Variants in MYRIP observed in about 807,000 individuals in gnomAD.
MYRIP encodes myosin VIIA and Rab interacting protein.
Under a neutral mutation model 98.0 loss-of-function variants are expected in MYRIP, and 49 were observed. That is an observed-to-expected ratio of 0.50 (90% CI 0.40 to 0.63). The LOEUF (loss-of-function observed/expected upper bound fraction) is 0.63. Among genes scored for constraint, MYRIP ranks in the 30% least tolerant of loss-of-function variants. The probability of loss-of-function intolerance (pLI) is 0.00; values close to 1 mark genes in which losing one functional copy is unlikely to be tolerated. For missense variants in MYRIP, 1,004 were observed against 1,058.2 expected (o/e 0.95, Z 0.71); for synonymous variants, 404 against 409.5 (o/e 0.99, Z 0.16).
chr3:40,202,906 C>CTTATTTAT lies in MYRIP; in HGVS notation c.1666-6913_1666-6906dup, dbSNP rs35758632. 3.2e-3 allele frequency among the ~76,000 whole-genome samples: 456 copies of CTTATTTAT among 142,506 alleles called. 1 individual carries two copies. The highest frequency in any genetic ancestry group is 9.4e-3 in the East Asian group (45 of 4,784). The allele number at this position is 142,506 out of a possible 152,430, so 93.5% of individuals were successfully genotyped here. ...ATCCCCATCACCTCACCTCCATTTA[C>CTTATTTAT]TTATTTATTTATTTATTTATTTATT... is the stretch of plus-strand genomic sequence containing the variant. On this transcript the variant is annotated intron_variant, in intron 10 of 16. Coordinates refer to ENST00000302541, the MANE Select transcript of MYRIP (RefSeq NM_015460.4).
At chr3:40,102,878 T>C (rs1236541319) in intron 3 of MYRIP, among the ~76,000 whole-genome samples, 1 of 151,996 alleles carries the variant, frequency 6.6e-6, no homozygotes, top group Non-Finnish European at 1.5e-5. Context: ...AACAAAACTG[T>C]ACAGAAAAGC....
chr3:40,003,663 T>G (rs370966317), intron 2 of MYRIP, among the ~76,000 whole-genome samples: 3 of 152,338 alleles, frequency 2.0e-5, no homozygotes, highest in African/African-American at 7.2e-5. Flanking sequence ...GCTAGCTGTA[T>G]ATATATTCTT....
chr3:40,122,245 A>C (rs1949419549), intron 3 of MYRIP, among the ~76,000 whole-genome samples: 1 of 151,682 alleles, frequency 6.6e-6, no homozygotes, highest in South Asian at 2.1e-4. Context: ...AATGAAAAAG[A>C]AATTGGACAT....
At chr3:39,942,442 A>T (rs1256240574) in intron 2 of MYRIP, among the ~76,000 whole-genome samples, 2 of 152,138 alleles carry the variant, frequency 1.3e-5, no homozygotes, top group African/African-American at 4.8e-5. Context: ...TAGAAATAGG[A>T]ATTAGCAAAT....
intron 2 of MYRIP, among the ~76,000 whole-genome samples, chr3:40,032,217 T>C (rs1342414669): frequency 6.6e-6 from 1 of 152,176 alleles, no homozygotes; most frequent in East Asian, 1.9e-4. Flanking sequence ...TCAAAGAGCA[T>C]CTTTATTTCT....
At chr3:39,880,709 A>G (rs1048502956) in intron 1 of MYRIP, among the ~76,000 whole-genome samples, 7 of 152,342 alleles carry the variant, frequency 4.6e-5, no homozygotes, top group Admixed American at 2.6e-4. Flanking sequence ...GGATCAATAC[A>G]CATAAATATT....
intron 1 of MYRIP, among the ~76,000 whole-genome samples, chr3:39,864,365 T>C (rs990325806): frequency 6.6e-6 from 1 of 152,178 alleles, no homozygotes; most frequent in Non-Finnish European, 1.5e-5. Context: ...CTACCCCTGT[T>C]TGCAGACAAT....
intron 8 of MYRIP, among the ~76,000 whole-genome samples, chr3:40,170,624 G>A (rs1418527133): frequency 6.6e-6 from 1 of 152,202 alleles, no homozygotes; most frequent in Non-Finnish European, 1.5e-5. Flanking sequence ...TGCTGTTCCT[G>A]TCTGCAGTAG....
intron 2 of MYRIP, among the ~76,000 whole-genome samples, chr3:39,931,800 G>A (rs1054580539): frequency 5.3e-5 from 8 of 152,188 alleles, no homozygotes; most frequent in African/African-American, 1.2e-4. Context: ...TTAATATAGC[G>A]TACAATTCAG....
intron 1 of MYRIP, among the ~76,000 whole-genome samples, chr3:39,820,632 C>T (rs143352382): frequency 1.5e-3 from 235 of 152,210 alleles, no homozygotes; most frequent in Non-Finnish European, 2.7e-3. Context: ...TAGAATGATA[C>T]GTAAATAGTA....
At chr3:39,890,442 A>G (rs1160862895) in intron 1 of MYRIP, among the ~76,000 whole-genome samples, 1 of 151,928 alleles carries the variant, frequency 6.6e-6, no homozygotes, top group Non-Finnish European at 1.5e-5. Flanking sequence ...CACTCTTTCC[A>G]GTGTTCCAGT....
chr3:39,979,668 A>C (rs1253784756), intron 2 of MYRIP, among the ~76,000 whole-genome samples: 4 of 149,760 alleles, frequency 2.7e-5, no homozygotes, highest in Non-Finnish European at 6.0e-5. Flanking sequence ...AAAAAAAAAA[A>C]CAAAAAAAAA....
chr3:39,823,569 C>T (rs905306277), intron 1 of MYRIP, among the ~76,000 whole-genome samples: 5 of 152,152 alleles, frequency 3.3e-5, no homozygotes, highest in African/African-American at 1.2e-4. Context: ...GATGAAGACT[C>T]ATAGTGGTTT....
intron 3 of MYRIP, among the ~76,000 whole-genome samples, chr3:40,138,141 G>A (rs553373648): frequency 1.3e-5 from 2 of 152,246 alleles, no homozygotes; most frequent in African/African-American, 4.8e-5. Flanking sequence ...GCCAAGAAAT[G>A]ATGCTGTTGC....
chr3:39,960,790 A>C (rs1341380989), intron 2 of MYRIP, among the ~76,000 whole-genome samples: 3 of 152,164 alleles, frequency 2.0e-5, no homozygotes, highest in Non-Finnish European at 4.4e-5. Context: ...GTTTCCTTAA[A>C]TGTGAGCTTA....
chr3:40,224,682 A>C (rs1022821874), intron 11 of MYRIP, among the ~76,000 whole-genome samples: 7 of 152,234 alleles, frequency 4.6e-5, no homozygotes, highest in African/African-American at 1.7e-4. Context: ...TTTTTTAGTC[A>C]CCATGAAAAA....
chr3:39,901,010 C>A, intron 2 of MYRIP, 84 bp downstream of exon 2: 2 of 987,978 alleles, frequency 2.0e-6, no homozygotes, highest in Admixed American at 1.9e-5. Flanking sequence ...TTCCCTCCTG[C>A]TAGCCCTGAG....
Position 40,206,404 on chromosome 3 carries a change from A to T in MYRIP, c.1666-3450A>T, listed in dbSNP as rs183838254. Among the ~76,000 whole-genome samples, 332 of 152,234 alleles carry T rather than the reference A, an allele frequency of 2.2e-3. 2 individuals are homozygous for T. Among genetic ancestry groups the T allele is most frequent in the African/African-American group, 7.6e-3 (316 of 41,540 alleles). On this transcript the variant is annotated intron_variant, in intron 10 of 16. Coordinates refer to ENST00000302541, the MANE Select transcript of MYRIP (RefSeq NM_015460.4). ...GCTCATGGTATCATCTGGGCATCAG[A>T]TCTGTGTGCATACGATTTGTCTTTC...
At chr3:40,218,998 A>G (rs942572378) in intron 11 of MYRIP, among the ~76,000 whole-genome samples, 9 of 152,194 alleles carry the variant, frequency 5.9e-5, no homozygotes, top group Non-Finnish European at 1.3e-4. Flanking sequence ...AAACAGATTA[A>G]TGAAACACAA....
Sources: gnomAD v4.1 joint callset for allele counts (sites outside exome capture counted in the v4.1 genomes callset) on GRCh38, gnomAD v4.1.1 for gene constraint, MANE v1.5 for transcripts, NCBI Gene and HGNC (gene_info 2026-07-23, HGNC 2026-07-21) for gene names.